The following PTPRR variants were observed in gnomAD, a reference collection of about 807,000 sequenced individuals.
The protein encoded by PTPRR is protein tyrosine phosphatase receptor type R, also known as receptor-type tyrosine-protein phosphatase R.
A neutral mutation model predicts 77.2 loss-of-function variants in PTPRR; 38 were observed. The observed-to-expected ratio is 0.49, with a 90% confidence interval of 0.38 to 0.65. The LOEUF is 0.65. Among genes scored for constraint, PTPRR ranks in the 30% least tolerant of loss-of-function variants. The pLI is 0.00. For synonymous variants in PTPRR, 299 were observed against 283.1 expected, an observed-to-expected ratio of 1.06 and a Z score of -0.57; for missense variants, 744 against 799.2, an observed-to-expected ratio of 0.93 and a Z score of 0.83.
intron 8 of PTPRR, among the ~76,000 whole-genome samples, chr12:70,688,042 G>C (rs142769194): frequency 5.3e-5 from 8 of 152,174 alleles, no homozygotes; most frequent in African/African-American, 1.9e-4. Context: ...ACAATTGTTG[G>C]TCAGGGGCAG....
intron 8 of PTPRR, among the ~76,000 whole-genome samples, chr12:70,694,025 T>G (rs1386694822): frequency 1.3e-5 from 2 of 152,130 alleles, no homozygotes; most frequent in Non-Finnish European, 2.9e-5. Flanking sequence ...TCACTACTTT[T>G]GGGAATAAAG....
chr12:70,660,832 A>C, intron 12 of PTPRR, 108 bp downstream of exon 12: 2 of 1,104,144 alleles, frequency 1.8e-6, no homozygotes, highest in Non-Finnish European at 2.5e-6. Flanking sequence ...ATAAATATTT[A>C]ATTTGCCAAC....
At chr12:70,874,635 C>T (rs966892571) in intron 2 of PTPRR, among the ~76,000 whole-genome samples, 7 of 152,060 alleles carry the variant, frequency 4.6e-5, no homozygotes, top group Non-Finnish European at 7.4e-5. Flanking sequence ...TGTTAAAAAG[C>T]AACCTCGGCC....
At chr12:70,740,866 A>T (rs1240560756) in intron 6 of PTPRR, among the ~76,000 whole-genome samples, 1 of 152,152 alleles carries the variant, frequency 6.6e-6, no homozygotes, top group Admixed American at 6.5e-5. Context: ...GCTATTAAAC[A>T]TGAGCCTATT....
chr12:70,656,886 A>C, intron 12 of PTPRR, 69 bp from the exon 13 acceptor site: 5 of 1,098,590 alleles, frequency 4.6e-6, no homozygotes, highest in Non-Finnish European at 6.8e-6. Context: ...TTCTTTTACA[A>C]GGGTACTTTT....
At chr12:70,863,830 C>T (rs932510199) in intron 2 of PTPRR, among the ~76,000 whole-genome samples, 1 of 152,188 alleles carries the variant, frequency 6.6e-6, no homozygotes, top group Non-Finnish European at 1.5e-5. Flanking sequence ...TTCAGAACAA[C>T]TCTCTGGGAG....
At chr12:70,651,526 C>A (rs12299314) in intron 13 of PTPRR, among the ~76,000 whole-genome samples, 2 of 152,018 alleles carry the variant, frequency 1.3e-5, no homozygotes, top group African/African-American at 4.8e-5. Context: ...TTGCCGACAA[C>A]GTCACTCCAA....
intron 2 of PTPRR, among the ~76,000 whole-genome samples, chr12:70,766,985 G>C (rs1335214896): frequency 6.6e-6 from 1 of 151,904 alleles, no homozygotes; most frequent in Non-Finnish European, 1.5e-5. Flanking sequence ...GTCACCACCA[G>C]GCCTGCCCTA....
chr12:70,737,535 T>TATCTATCTATCTATC, intron 6 of PTPRR, among the ~76,000 whole-genome samples: 1 of 151,584 alleles, frequency 6.6e-6, no homozygotes, highest in African/African-American at 2.4e-5. Context: ...TCTATCTATC[T>TATCTATCTATCTATC]TTCGAGACAA....
chr12:70,814,917 A>G (rs2137034114), intron 2 of PTPRR, among the ~76,000 whole-genome samples: 1 of 152,286 alleles, frequency 6.6e-6, no homozygotes, highest in Non-Finnish European at 1.5e-5. Context: ...TACAATTCCC[A>G]ATGTTTGGAA....
chr12:70,748,334 C>T lies in PTPRR; in HGVS notation c.739-2248G>A, dbSNP rs972977750. 1.2e-4 allele frequency among the ~76,000 whole-genome samples: 19 copies of T among 152,194 alleles called. No individual in the cohort carries two copies. The South Asian group carries it at 1.9e-3, about 15-fold the overall frequency. ...CATGTCCTTCTTTGAAACCTCTTTC[C>T]GAAAGCATCTGGAAAAGTGTGTCAG... is the stretch of plus-strand genomic sequence containing the variant. On this transcript the variant is annotated intron_variant, in intron 5 of 13. Coordinates refer to ENST00000283228, the MANE Select transcript of PTPRR (RefSeq NM_002849.4).
chr12:70,913,346 G>A (rs1565739402), intron 1 of PTPRR, among the ~76,000 whole-genome samples: 1 of 151,950 alleles, frequency 6.6e-6, no homozygotes, highest in Admixed American at 6.6e-5. Context: ...AGAAAAGGAG[G>A]GTTGAATAAT....
chr12:70,792,088 C>T (rs1305933917), intron 2 of PTPRR, among the ~76,000 whole-genome samples: 2 of 152,196 alleles, frequency 1.3e-5, no homozygotes, highest in African/African-American at 2.4e-5. Flanking sequence ...CTCTTCAACT[C>T]AGCTGGATAA....
intron 2 of PTPRR, among the ~76,000 whole-genome samples, chr12:70,798,666 C>T (rs1891558018): frequency 6.6e-6 from 1 of 152,150 alleles, no homozygotes; most frequent in Non-Finnish European, 1.5e-5. Context: ...TGAAATGCTG[C>T]TTACTCTGAT....
chr12:70,895,900 G>A (rs561669709), intron 1 of PTPRR, among the ~76,000 whole-genome samples: 10 of 151,792 alleles, frequency 6.6e-5, no homozygotes, highest in Admixed American at 1.3e-4. Flanking sequence ...TAGTGAAGCC[G>A]TAATTCTAAA....
chr12:70,659,995 G>T (rs1409169362), intron 12 of PTPRR, among the ~76,000 whole-genome samples: 2 of 151,578 alleles, frequency 1.3e-5, no homozygotes, highest in Non-Finnish European at 2.9e-5. Flanking sequence ...GGCCAACATG[G>T]TGAAACCCCC....
At chr12:70,685,500 A>T (rs12825432) in intron 8 of PTPRR, among the ~76,000 whole-genome samples, 4 of 135,580 alleles carry the variant, frequency 3.0e-5, no homozygotes, top group African/African-American at 1.0e-4. Context: ...AAAAAAAAAA[A>T]TTAGCCAGGC....
intron 13 of PTPRR, among the ~76,000 whole-genome samples, chr12:70,651,303 G>A (rs533844989): frequency 1.7e-4 from 26 of 152,312 alleles, no homozygotes; most frequent in African/African-American, 6.0e-4. Context: ...AGATTGAAGC[G>A]TTAATAGCAT....
intron 2 of PTPRR, among the ~76,000 whole-genome samples, chr12:70,804,652 T>G (rs909376674): frequency 2.0e-5 from 3 of 152,094 alleles, no homozygotes; most frequent in African/African-American, 2.4e-5. Flanking sequence ...TCAATACAAT[T>G]TAAGAAAGTT....
Sources: allele counts gnomAD v4.1 joint callset (sites outside exome capture counted in the v4.1 genomes callset), GRCh38; gene constraint gnomAD v4.1.1; transcripts MANE v1.5; gene names NCBI Gene and HGNC (gene_info 2026-07-23, HGNC 2026-07-21).